ANKRD7: variants seen among roughly 807,000 people sequenced by gnomAD.
ANKRD7 encodes the protein ankyrin repeat domain-containing protein 7.
ANKRD7 carries 30 observed loss-of-function variants against 30.8 expected under a neutral mutation model. That is an observed-to-expected ratio of 0.97 (90% CI 0.73 to 1.32). The LOEUF (loss-of-function observed/expected upper bound fraction) is 1.32. Among genes scored for constraint, ANKRD7 ranks in the 40% most tolerant of loss-of-function variants. The pLI is 0.00. For synonymous variants in ANKRD7, 97 were observed against 106.6 expected, an observed-to-expected ratio of 0.91 and a Z score of 0.55; for missense variants, 264 against 295.7, an observed-to-expected ratio of 0.89 and a Z score of 0.79.
chr7:118,228,906 G>A lies in ANKRD7; in HGVS notation c.179+3897G>A, dbSNP rs377672295. Among the ~76,000 whole-genome samples, 125 of 152,272 alleles carry A rather than the reference G, an allele frequency of 8.2e-4. No individual in the cohort carries two copies. In the Middle Eastern group the frequency reaches 0.017, roughly 21 times the overall value. On this transcript the variant is annotated intron_variant, in intron 1 of 6. Transcript: ENST00000265224. ...TTATTCTCAACACAGCAGTCAGAAT[G>A]ATCCTGTGTAATGTATGTCAAATGG...
At chr7:118,240,939 G>A (rs537527729) in intron 6 of ANKRD7, among the ~76,000 whole-genome samples, 126 of 151,260 alleles carry the variant, frequency 8.3e-4, no homozygotes, top group South Asian at 4.2e-4. Context: ...TGGATCATGA[G>A]GTCAGGAGAT....
In ANKRD7 at chr7:118,236,836, A is replaced by G. The variant is rs766011037; in HGVS notation, c.622A>G (p.Lys208Glu). Reference protein sequence around the residue: ...AVSGEPPCLVKLLLQQGVELC... With the variant: ...AVSGEPPCLVELLLQQGVELC... ...CAGTGGTGAACCACCATGTTTAGTA[A>G]AGCTTCTTCTTCAGCAAGGTGTGGA... Residue 208 changes from lysine (K) to glutamate (E), a missense_variant, in exon 5 of 7, where the codon AAG becomes GAG. By Grantham distance (56) the Lys-to-Glu change is moderately conservative. Coordinates refer to ENST00000265224, the MANE Select transcript of ANKRD7 (RefSeq NM_019644.4). 1 of 1,614,016 alleles carries G rather than the reference A, an allele frequency of 6.2e-7. No individual in the cohort carries two copies. Among genetic ancestry groups the G allele is most frequent in the Non-Finnish European group, 8.5e-7 (1 of 1,179,916 alleles).
rs191768894 is a variant in ANKRD7 at position 118,233,907 on chromosome 7, T to C, written c.180-524T>C. 4.3e-4 allele frequency among the ~76,000 whole-genome samples: 66 copies of C among 152,214 alleles called. No homozygotes were observed. In the East Asian group the frequency reaches 0.012, roughly 28 times the overall value. ...GGTTCTTTAGAAGTAGAAATTAGTG[T>C]AATAACTTAAAATAGGGTTAAGATC... On this transcript the variant is annotated intron_variant, in intron 1 of 6. Coordinates refer to ENST00000265224, the MANE Select transcript of ANKRD7 (RefSeq NM_019644.4).
In ANKRD7 at chr7:118,225,096, ACT is replaced by A. The variant is rs1440179882; in HGVS notation, c.179+88_179+89del. 5 of 1,413,750 alleles carry A rather than the reference ACT, an allele frequency of 3.5e-6. No homozygotes were observed. In the African/African-American group the frequency reaches 7.3e-5, roughly 21 times the overall value. 87.6% of individuals were successfully genotyped at this position (1,413,750 alleles called of 1,614,324 possible). On this transcript the variant is annotated intron_variant, in intron 1 of 6. Coordinates refer to ENST00000265224, the MANE Select transcript of ANKRD7 (RefSeq NM_019644.4). ...ATAAGACAAGTGGGGGCTGTTTGAC[ACT>A]GATTGTCACTCCGGGTTTCCCAAAG...
At position 118,231,158 on chromosome 7, in the gene ANKRD7, A is replaced by G. The variant is rs1809632120; in HGVS notation, c.180-3273A>G. ...TCTTTCAAACTAGAGCTACTACTCG[A>G]TTAGTGTTTTTTAAACAAAGATCTG... On this transcript the variant is annotated intron_variant, in intron 1 of 6. Coordinates refer to ENST00000265224, the MANE Select transcript of ANKRD7 (RefSeq NM_019644.4). Among the ~76,000 whole-genome samples, 3 of 152,048 alleles carry G rather than the reference A, an allele frequency of 2.0e-5. No homozygotes were observed. In the South Asian group the frequency reaches 6.2e-4, roughly 32 times the overall value.
At position 118,224,866 on chromosome 7, in the gene ANKRD7, T is replaced by A; in HGVS notation, c.36T>A (p.Asn12Lys). Residue 12 changes from asparagine to lysine, a missense_variant, in exon 1 of 7, where the codon AAT (asparagine) becomes AAA (lysine). By Grantham distance (94) the Asn-to-Lys change is moderately conservative (BLOSUM62 0). Transcript: ENST00000265224. ...TTTTCAGCTTCTGGAAGAGGAAGAA[T>A]GAGACCCGCAGCCAGGGCTACAACC... is the stretch of plus-strand genomic sequence containing the variant. The part of the protein sequence containing the change: ...NKLFSFWKRK[N>K]ETRSQGYNLR... The A allele has an allele frequency of 6.2e-7, 1 of 1,613,938 alleles. No individual in the cohort carries two copies. The highest frequency in any genetic ancestry group is 1.1e-5 in the South Asian group (1 of 91,080).
chr7:118,229,821 G>A (rs558387871), intron 1 of ANKRD7, among the ~76,000 whole-genome samples: 41 of 152,106 alleles, frequency 2.7e-4, no homozygotes, highest in Admixed American at 2.5e-3. Flanking sequence ...ACATCAAAAC[G>A]ATAATTCAAC....
intron 6 of ANKRD7, 29 bp downstream of exon 6, chr7:118,240,027 T>C (rs768292975): frequency 5.4e-6 from 7 of 1,293,986 alleles, no homozygotes; most frequent in Non-Finnish European, 7.2e-6. Flanking sequence ...TTAGTGTTTT[T>C]TTCTTGTTGC....
At chr7:118,238,323 G>C (rs980722589) in intron 5 of ANKRD7, among the ~76,000 whole-genome samples, 3 of 151,552 alleles carry the variant, frequency 2.0e-5, no homozygotes. Flanking sequence ...TTTTCAAAGA[G>C]GTGAGAGGGA....
chr7:118,232,118 A>G (rs1645415177), intron 1 of ANKRD7, among the ~76,000 whole-genome samples: 2 of 152,086 alleles, frequency 1.3e-5, no homozygotes, highest in African/African-American at 4.8e-5. Flanking sequence ...AAGCATTCCT[A>G]TTGGCCTCGA....
intron 5 of ANKRD7, 45 bp from the exon 6 acceptor site, chr7:118,239,864 T>G: frequency 7.5e-7 from 1 of 1,340,848 alleles, no homozygotes; most frequent in South Asian, 1.3e-5. Flanking sequence ...TGTTAGGAAT[T>G]AAATTTCTAT....
At chr7:118,228,822 A>G (rs529616057) in intron 1 of ANKRD7, among the ~76,000 whole-genome samples, 148 of 152,304 alleles carry the variant, frequency 9.7e-4, no homozygotes, top group Non-Finnish European at 1.7e-3. Context: ...CAAAGCCACC[A>G]TTATGTCTTA....
In ANKRD7 at chr7:118,237,134, G is replaced by A. The variant is rs1470546481; in HGVS notation, c.712+208G>A. On this transcript the variant is annotated intron_variant, in intron 5 of 6. Transcript: ENST00000265224. ...TGAATATGCAAATAAACTACCAGAG[G>A]CAGGAGCATTGGAAGTGTGCCAGGG... 3.3e-5 allele frequency among the ~76,000 whole-genome samples: 5 copies of A among 152,282 alleles called. No individual in the cohort carries two copies. In the East Asian group the frequency reaches 9.7e-4, roughly 29 times the overall value.
rs576902112 is a variant in ANKRD7, at chr7:118,236,122, G to A, written c.550G>A (p.Val184Met). Residue 184 changes from valine to methionine, a missense_variant, in exon 4 of 7, where the codon GTG becomes ATG. Val to Met is a conservative substitution (Grantham distance 21). Coordinates refer to ENST00000265224, the MANE Select transcript of ANKRD7 (RefSeq NM_019644.4). The part of the protein sequence containing the change: ...VKFLLEKGAD[V>M]NASDNYQRTA... ...ATTTCTTCTGGAGAAAGGGGCTGATGTGAATGCTTCAGATAATTATCAAAG... is the reference window on the plus strand; with the variant it reads ...ATTTCTTCTGGAGAAAGGGGCTGATATGAATGCTTCAGATAATTATCAAAG... 5.6e-6 allele frequency: 9 copies of A among 1,598,290 alleles called. No individual in the cohort carries two copies. The Admixed American group carries it at 1.2e-4, about 21-fold the overall frequency.
chr7:118,228,369 C>G (rs1809579937), intron 1 of ANKRD7, among the ~76,000 whole-genome samples: 2 of 152,258 alleles, frequency 1.3e-5, no homozygotes, highest in Admixed American at 1.3e-4. Flanking sequence ...ATAATATTCA[C>G]TGGTGTGCTA....
At chr7:118,230,982 T>C (rs1489645911) in intron 1 of ANKRD7, among the ~76,000 whole-genome samples, 4 of 151,820 alleles carry the variant, frequency 2.6e-5, no homozygotes. Flanking sequence ...GAATTTCTGG[T>C]AAAAAAGAAA....
Position 118,234,556 on chromosome 7 carries a change from G to A in ANKRD7, c.294+11G>A, listed in dbSNP as rs55759859. ...TCCCCATTGATTAAGGTATGCCATA[G>A]TTTTTCTTTTTCAATTGGAATGTGT... On this transcript the variant is annotated intron_variant, in intron 2 of 6. Coordinates refer to ENST00000265224, the MANE Select transcript of ANKRD7 (RefSeq NM_019644.4). The A allele has an allele frequency of 0.017, 27,587 of 1,589,688 alleles. 626 individuals carry two copies. Among genetic ancestry groups the A allele is most frequent in the East Asian group, 0.077 (3,460 of 44,656 alleles).
intron 1 of ANKRD7, chr7:118,227,995 A>G: frequency 6.1e-6 from 8 of 1,314,498 alleles, no homozygotes; most frequent in Non-Finnish European, 8.1e-6. Flanking sequence ...TTATAAGGTA[A>G]TCGATAACTT....
intron 3 of ANKRD7, 56 bp from the exon 4 acceptor site, chr7:118,235,985 T>G: frequency 1.1e-6 from 1 of 940,346 alleles, no homozygotes; most frequent in African/African-American, 1.7e-5. Flanking sequence ...AACTTAAATC[T>G]AAAGAGCATG....
Sources: gnomAD v4.1 joint callset for allele counts (sites outside exome capture counted in the v4.1 genomes callset) on GRCh38, gnomAD v4.1.1 for gene constraint, MANE v1.5 for transcripts, NCBI Gene and HGNC (gene_info 2026-07-23, HGNC 2026-07-21) for gene names.